Variants in SLC22A23 observed in about 807,000 individuals in gnomAD.
SLC22A23 encodes solute carrier family 22 member 23.
A neutral mutation model predicts 61.0 loss-of-function variants in SLC22A23; 26 were observed. The observed-to-expected ratio is 0.43, with a 90% CI of 0.31 to 0.59. The LOEUF (loss-of-function observed/expected upper bound fraction) is 0.59, where lower values mean the gene tolerates loss of function less well. Ranked by LOEUF, SLC22A23 falls within the 20% of genes least tolerant of loss-of-function variation. The pLI is 0.11. For missense variants in SLC22A23, 796 were observed against 934.7 expected (o/e 0.85, Z 1.94); for synonymous variants, 430 against 413.9 (o/e 1.04, Z -0.47).
At chr6:3,388,968 G>T (rs1420986775) in intron 3 of SLC22A23, among the ~76,000 whole-genome samples, 2 of 152,014 alleles carry the variant, frequency 1.3e-5, no homozygotes, top group African/African-American at 4.8e-5. Context: ...TTCTGCAAAT[G>T]AAAAAGTTCT....
chr6:3,418,478 T>C lies in SLC22A23; in HGVS notation c.655-2623A>G, dbSNP rs1769888561. Among the ~76,000 whole-genome samples the C allele has an allele frequency of 2.0e-5, 3 of 152,326 alleles. No homozygotes were observed. In the South Asian group the frequency reaches 6.2e-4, roughly 32 times the overall value. Reference sequence around the variant, plus strand: ...GGCAGCCATGACCCCATTAAGGTGCTAGCTAATAAGACATTCAGTGATCAG... The same window carrying C: ...GGCAGCCATGACCCCATTAAGGTGCCAGCTAATAAGACATTCAGTGATCAG... On this transcript the variant is annotated intron_variant, in intron 1 of 9. Transcript: ENST00000406686.
chr6:3,325,343 CT>C (rs1361492217), intron 3 of SLC22A23, among the ~76,000 whole-genome samples: 2 of 152,088 alleles, frequency 1.3e-5, no homozygotes, highest in Non-Finnish European at 2.9e-5. Flanking sequence ...ATTACCAGCC[CT>C]AACAAGGAGA....
rs115208686 is a variant in SLC22A23, at chr6:3,338,036, G to C, written c.914-14034C>G. Among the ~76,000 whole-genome samples, 603 of 152,184 alleles carry C rather than the reference G, an allele frequency of 4.0e-3. 4 individuals are homozygous for C. The highest frequency in any genetic ancestry group is 0.014 in the African/African-American group (579 of 41,524). On this transcript the variant is annotated intron_variant, in intron 3 of 9. Transcript: ENST00000406686. The stretch of plus-strand genomic sequence containing the variant: ...GAGGAAGTGAGATGACTCACCACTG[G>C]GGACACTACCGACTTGAATCTGCAT...
intron 3 of SLC22A23, among the ~76,000 whole-genome samples, chr6:3,364,991 G>T (rs148808481): frequency 3.3e-5 from 5 of 152,284 alleles, no homozygotes; most frequent in Non-Finnish European, 7.4e-5. Flanking sequence ...AGGGAATGAG[G>T]CACAGGTGTC....
At position 3,317,318 on chromosome 6, in the gene SLC22A23, A is replaced by G. The variant is rs549506167; in HGVS notation, c.1082+6516T>C. On this transcript the variant is annotated intron_variant, in intron 4 of 9. Coordinates refer to ENST00000406686, the MANE Select transcript of SLC22A23 (RefSeq NM_015482.2). This position sits in a 1 kb window ranked among gnomAD's most constrained non-coding sequence, Gnocchi z 4.4. ...AGCTCTGTCATTAAGCCATGTGCCC[A>G]GTGCAGGCTGTGGCCACCTGGAAGG... Among the ~76,000 whole-genome samples, 61 of 152,180 alleles carry G rather than the reference A, an allele frequency of 4.0e-4. No homozygotes were observed. The highest frequency in any genetic ancestry group is 7.6e-4 in the Non-Finnish European group (52 of 68,032).
At chr6:3,295,307 G>C (rs1350832147) in intron 5 of SLC22A23, among the ~76,000 whole-genome samples, 1 of 78,608 alleles carries the variant, frequency 1.3e-5, no homozygotes, top group East Asian at 5.9e-4. Context: ...AGGCAAGAGT[G>C]GGGAGCTGAG....
At chr6:3,293,295 C>T (rs553290279) in intron 5 of SLC22A23, among the ~76,000 whole-genome samples, 1 of 152,324 alleles carries the variant, frequency 6.6e-6, no homozygotes, top group South Asian at 2.1e-4. Flanking sequence ...GCTGCCATCT[C>T]TGCCACATGA....
intron 1 of SLC22A23, among the ~76,000 whole-genome samples, chr6:3,418,654 A>G (rs1003290029): frequency 2.0e-5 from 3 of 152,234 alleles, no homozygotes; most frequent in Non-Finnish European, 4.4e-5. Flanking sequence ...GAGGGGGTGC[A>G]GGAAACCCAG....
intron 4 of SLC22A23, among the ~76,000 whole-genome samples, chr6:3,319,297 C>T (rs982152055): frequency 6.6e-6 from 1 of 152,204 alleles, no homozygotes; most frequent in East Asian, 1.9e-4. Flanking sequence ...CAGAAGCCAA[C>T]TTTTGCCTTG....
intron 3 of SLC22A23, among the ~76,000 whole-genome samples, chr6:3,400,660 G>A (rs1277991453): frequency 2.0e-5 from 3 of 152,336 alleles, no homozygotes; most frequent in Non-Finnish European, 4.4e-5. Context: ...GGGGGGCTTG[G>A]CTTCCAATCC....
chr6:3,337,068 A>T (rs12190058), intron 3 of SLC22A23, among the ~76,000 whole-genome samples: 7,292 of 152,264 alleles, frequency 0.048, 230 homozygotes, highest in Middle Eastern at 0.092. Flanking sequence ...TCAGCCTCCC[A>T]AAGTGCTGGA....
chr6:3,322,632 C>T lies in SLC22A23; in HGVS notation c.1082+1202G>A, dbSNP rs922866917. On this transcript the variant is annotated intron_variant, in intron 4 of 9. Transcript: ENST00000406686. The surrounding 1 kb of genome is among the most constrained non-coding windows in gnomAD (Gnocchi z 4.1). Reference sequence around the variant, plus strand: ...CTGGCCCCCTGCTGCTGCCGAGGTCCTCATAACACAGTGAGCAAGAACCAG... The same window carrying T: ...CTGGCCCCCTGCTGCTGCCGAGGTCTTCATAACACAGTGAGCAAGAACCAG... 1.3e-5 allele frequency among the ~76,000 whole-genome samples: 2 copies of T among 152,170 alleles called. No individual in the cohort carries two copies. The highest frequency in any genetic ancestry group is 2.9e-5 in the Non-Finnish European group (2 of 68,024).
In SLC22A23 at chr6:3,359,570, G is replaced by A. The variant is rs185224121; in HGVS notation, c.914-35568C>T. ...TGCTGACAAGAATGTGGGGAAACTG[G>A]AACCCTGGTGCACCAGTACATTCCT... On this transcript the variant is annotated intron_variant, in intron 3 of 9. Coordinates refer to ENST00000406686, the MANE Select transcript of SLC22A23 (RefSeq NM_015482.2). 6.2e-3 allele frequency among the ~76,000 whole-genome samples: 914 copies of A among 147,258 alleles called. 6 individuals carry two copies. The highest frequency in any genetic ancestry group is 0.01 in the Non-Finnish European group (660 of 64,732).
chr6:3,424,325 TA>T (rs1381166734), intron 1 of SLC22A23, among the ~76,000 whole-genome samples: 1 of 152,234 alleles, frequency 6.6e-6, no homozygotes, highest in Non-Finnish European at 1.5e-5. Flanking sequence ...ATGCCTGCTT[TA>T]AAGGACAAAC....
chr6:3,439,317 A>G, intron 1 of SLC22A23: 1 of 452,122 alleles, frequency 2.2e-6, no homozygotes, highest in Admixed American at 2.4e-5. Context: ...GTGTCCAGAG[A>G]ACTTCTTTTA....
chr6:3,440,153 G>A (rs1397207415), intron 1 of SLC22A23, among the ~76,000 whole-genome samples: 2 of 152,318 alleles, frequency 1.3e-5, no homozygotes, highest in East Asian at 3.9e-4. Context: ...AGTCCAGCAG[G>A]TTGGGGAATG....
intron 1 of SLC22A23, among the ~76,000 whole-genome samples, chr6:3,430,708 C>T (rs561910744): frequency 5.1e-4 from 78 of 152,278 alleles, no homozygotes; most frequent in Non-Finnish European, 4.0e-4. Flanking sequence ...CCAGCCTTAT[C>T]CATGCCAGGA....
chr6:3,388,948 A>T (rs1209760159), intron 3 of SLC22A23, among the ~76,000 whole-genome samples: 1 of 152,062 alleles, frequency 6.6e-6, no homozygotes. Context: ...TTTGCAGACC[A>T]GAGTTTCAGT....
rs1293978296 is a variant in SLC22A23 at position 3,333,080 on chromosome 6, T to C, written c.914-9078A>G. Among the ~76,000 whole-genome samples, 1 of 152,204 alleles carries C rather than the reference T, an allele frequency of 6.6e-6. No homozygotes were observed. The highest frequency in any genetic ancestry group is 1.5e-5 in the Non-Finnish European group (1 of 68,026). On this transcript the variant is annotated intron_variant, in intron 3 of 9. Transcript: ENST00000406686. This position sits in a 1 kb window ranked among gnomAD's most constrained non-coding sequence, Gnocchi z 4.1. ...CACCTACTGGGAATGACGCTACCAC[T>C]GACCCATGGAGCAAAGCGGCGGCGC...
Sources: allele counts gnomAD v4.1 joint callset (sites outside exome capture counted in the v4.1 genomes callset), GRCh38; gene constraint gnomAD v4.1.1; non-coding constraint Gnocchi (gnomAD v3.1); transcripts MANE v1.5; gene names NCBI Gene and HGNC (gene_info 2026-07-23, HGNC 2026-07-21).